NUP62: variants seen among roughly 807,000 people sequenced by gnomAD.
NUP62 encodes the protein nucleoporin 62, also known as nuclear pore glycoprotein p62.
For missense variants in NUP62, 647 were observed against 689.4 expected (o/e 0.94, Z 0.69); for synonymous variants, 305 against 303.4 (o/e 1.01, Z -0.05).
chr19:49,927,408 A>C lies in NUP62; in HGVS notation c.-78+286T>G, dbSNP rs186007745. Among the ~76,000 whole-genome samples, 366 of 152,196 alleles carry C rather than the reference A, an allele frequency of 2.4e-3. 3 individuals are homozygous for C. The highest frequency in any genetic ancestry group is 8.6e-3 in the African/African-American group (356 of 41,522). ...ATGAACTTAAAAAAAAATCGCAAAA[A>C]ATTCGCATGTTTTGGTAAGGTTTAC... On this transcript the variant is annotated intron_variant, in intron 2 of 2. Transcript: ENST00000352066.
Position 49,909,372 on chromosome 19 carries a change from T to A in NUP62, c.436A>T (p.Thr146Ser), listed in dbSNP as rs1333308401. 5.0e-6 allele frequency: 8 copies of A among 1,612,928 alleles called. No individual in the cohort carries two copies. Among genetic ancestry groups the A allele is most frequent in the Non-Finnish European group, 6.8e-6 (8 of 1,179,858 alleles). The stretch of plus-strand genomic sequence containing the variant: ...GTGGTAGCTGGAGCCACAGAGGTGG[T>A]GGAGGGGCCAAACACAAAGCCGGTG... ...APTGFVFGPS[T>S]TSVAPATTSG... The change falls in exon 3 of 3, where the codon ACC becomes TCC. Residue 146 changes from threonine (T) to serine (S), a missense_variant. By Grantham distance (58) the Thr-to-Ser change is moderately conservative. Transcript: ENST00000352066.
At chr19:49,910,317 C>T (rs1313212821) in intron 2 of NUP62, among the ~76,000 whole-genome samples, 1 of 152,004 alleles carries the variant, frequency 6.6e-6, no homozygotes, top group Non-Finnish European at 1.5e-5. Flanking sequence ...CTCTTGCCAC[C>T]CTGAGGGCCT....
chr19:49,908,994 ATGT>A lies in NUP62; in HGVS notation c.811_813del (p.Thr271del), dbSNP rs760743188. On this transcript the variant is annotated inframe_deletion, in exon 3 of 3. Transcript: ENST00000352066. ...GTGGCGGTGGCGGTGGCAGCGGTGGATGTTGTTGTGGAGGTGCCGGAAGCTGCT... is the reference window on the plus strand; with the variant it reads ...GTGGCGGTGGCGGTGGCAGCGGTGGATGTTGTGGAGGTGCCGGAAGCTGCT... 4 of 1,609,856 alleles carry A rather than the reference ATGT, an allele frequency of 2.5e-6. No homozygotes were observed. The highest frequency in any genetic ancestry group is 3.4e-6 in the Non-Finnish European group (4 of 1,178,060).
chr19:49,908,904 T>C lies in NUP62; in HGVS notation c.904A>G (p.Ile302Val), dbSNP rs879274198. 6 of 1,608,270 alleles carry C rather than the reference T, an allele frequency of 3.7e-6. No individual in the cohort carries two copies. Among genetic ancestry groups the C allele is most frequent in the Non-Finnish European group, 5.1e-6 (6 of 1,178,120 alleles). The part of the protein sequence containing the change: ...LNLKPLAPAG[I>V]PSNTAAAVTA... ...ACGGCAGCTGCTGTATTGCTGGGGATCCCGGCTGGCGCCAGTGGTTTTAAA... is the reference window on the plus strand; with the variant it reads ...ACGGCAGCTGCTGTATTGCTGGGGACCCCGGCTGGCGCCAGTGGTTTTAAA... Residue 302 changes from isoleucine (I) to valine (V), a missense_variant, in exon 3 of 3, where the codon ATC (isoleucine) becomes GTC (valine). Ile to Val is a conservative substitution (Grantham distance 29). Coordinates refer to ENST00000352066, the MANE Select transcript of NUP62 (RefSeq NM_016553.5).
intron 2 of NUP62, chr19:49,910,915 T>C (rs761663686): frequency 2.0e-5 from 3 of 152,144 alleles, no homozygotes; most frequent in African/African-American, 7.2e-5. Context: ...TGGTTTCTTT[T>C]TCTTTTGGGA....
At chr19:49,916,192 C>A (rs2122679608) in intron 2 of NUP62, among the ~76,000 whole-genome samples, 2 of 152,268 alleles carry the variant, frequency 1.3e-5, no homozygotes, top group South Asian at 4.1e-4. Context: ...GACATTCTGC[C>A]TGGGACGGGA....
chr19:49,923,336 C>T (rs182273879), intron 2 of NUP62, among the ~76,000 whole-genome samples: 49 of 152,326 alleles, frequency 3.2e-4, no homozygotes, highest in African/African-American at 1.1e-3. Context: ...GTATCACATT[C>T]GCTGGCCTCT....
Position 49,909,896 on chromosome 19 carries a change from GA to G in NUP62, c.-77-13del. 7.0e-7 allele frequency: 1 copy of G among 1,419,950 alleles called. No homozygotes were observed. The highest frequency in any genetic ancestry group is 9.8e-7 in the Non-Finnish European group (1 of 1,017,636). The allele number at this position is 1,419,950 out of a possible 1,614,324, so 88.0% of individuals were successfully genotyped here. A position where few individuals can be genotyped will look rare whatever the true frequency, so the allele number is the denominator to read the frequency against. On this transcript the variant is annotated splice_polypyrimidine_tract_variant and intron_variant, in intron 2 of 2. Transcript: ENST00000352066. ...CCTTGGGAAGATTTCTAAAGCAGAG[GA>G]AGTGACATTGTCAGATGGCAGTTTT...
In NUP62 at chr19:49,913,312, G is replaced by C. The variant is rs1231849699; in HGVS notation, c.-77-3428C>G. ...ATTCCAAAGAGAGAAAATGGCCCTTGACCAGCTCCAGGAGAATCTCTATGT... is the reference window on the plus strand; with the variant it reads ...ATTCCAAAGAGAGAAAATGGCCCTTCACCAGCTCCAGGAGAATCTCTATGT... On this transcript the variant is annotated intron_variant, in intron 2 of 2. Transcript: ENST00000352066. 2.0e-5 allele frequency among the ~76,000 whole-genome samples: 3 copies of C among 152,222 alleles called. No homozygotes were observed. The East Asian group carries it at 5.8e-4, about 29-fold the overall frequency.
chr19:49,910,340 G>A (rs1436922427), intron 2 of NUP62, among the ~76,000 whole-genome samples: 2 of 152,026 alleles, frequency 1.3e-5, no homozygotes, highest in East Asian at 3.9e-4. Context: ...CTGGACCTCA[G>A]AGAGAGAGAT....
Position 49,908,350 on chromosome 19 carries a change from C to T in NUP62, c.1458G>A (p.Gln486=). The part of the protein sequence containing the change: ...KILNAHMDSL[Q]WIDQNSALLQ... ...GCAGGGCCGAGTTCTGGTCGATCCA[C>T]TGCAGTGAGTCCATGTGCGCATTGA... The change falls in exon 3 of 3, where the codon CAG becomes CAA. Residue 486 remains glutamine, a synonymous_variant. Coordinates refer to ENST00000352066, the MANE Select transcript of NUP62 (RefSeq NM_016553.5). The T allele has an allele frequency of 6.2e-7, 1 of 1,614,196 alleles. No individual in the cohort carries two copies. Among genetic ancestry groups the T allele is most frequent in the Non-Finnish European group, 8.5e-7 (1 of 1,180,044 alleles).
In NUP62 at chr19:49,907,837, T is replaced by C. The variant is rs546501513; in HGVS notation, c.*402A>G. ...AGGGGTGAGCCACTGCGCCCTGACT[T>C]GGAGGTTCTCTTACATTTGGTATTT... is the stretch of plus-strand genomic sequence containing the variant. On this transcript the variant is annotated 3_prime_UTR_variant, in exon 3 of 3. Transcript: ENST00000352066. 135 of 333,882 alleles carry C rather than the reference T, an allele frequency of 4.0e-4. No homozygotes were observed. The highest frequency in any genetic ancestry group is 6.8e-4 in the Non-Finnish European group (119 of 175,342). The allele number at this position is 333,882 out of a possible 1,614,324, so 20.7% of individuals were successfully genotyped here.
At chr19:49,923,184 C>T (rs1183871827) in intron 2 of NUP62, among the ~76,000 whole-genome samples, 1 of 152,166 alleles carries the variant, frequency 6.6e-6, no homozygotes, top group Non-Finnish European at 1.5e-5. Context: ...CCTGTGCTGT[C>T]TCCCAGCCCC....
In NUP62 at chr19:49,909,601, T is replaced by G. The variant is rs761944762; in HGVS notation, c.207A>C (p.Thr69=). 6.2e-7 allele frequency: 1 copy of G among 1,613,994 alleles called. No individual in the cohort carries two copies. The highest frequency in any genetic ancestry group is 1.1e-5 in the South Asian group (1 of 91,068). ...TTCCAAAAGTGAAGCCTGTCGTCTG[T>G]GTGGCCGGAGTCTGGGTGGCAAGTG... is the stretch of plus-strand genomic sequence containing the variant. The part of the protein sequence containing the change: ...LFSLATQTPA[T]QTTGFTFGTA... The change falls in exon 3 of 3, where the codon ACA becomes ACC. Residue 69 remains threonine, a synonymous_variant. Coordinates refer to ENST00000352066, the MANE Select transcript of NUP62 (RefSeq NM_016553.5).
At chr19:49,914,451 T>C (rs2075566013) in intron 2 of NUP62, among the ~76,000 whole-genome samples, 1 of 152,108 alleles carries the variant, frequency 6.6e-6, no homozygotes, top group Non-Finnish European at 1.5e-5. Context: ...TGCCTTGAGG[T>C]CACCAAGGAA....
At position 49,908,389 on chromosome 19, in the gene NUP62, C is replaced by T; in HGVS notation, c.1419G>A (p.Gln473=). The part of the protein sequence containing the change: ...APADTSDPLQ[Q]ICKILNAHMD... ...TGTGCGCATTGAGGATCTTGCAGAT[C>T]TGCTGCAGTGGGTCACTGGTGTCGG... The change falls in exon 3 of 3, where the codon CAG becomes CAA. Residue 473 remains glutamine (Q), a synonymous_variant. Coordinates refer to ENST00000352066, the MANE Select transcript of NUP62 (RefSeq NM_016553.5). 1 of 1,614,216 alleles carries T rather than the reference C, an allele frequency of 6.2e-7. No individual in the cohort carries two copies. Among genetic ancestry groups the T allele is most frequent in the Non-Finnish European group, 8.5e-7 (1 of 1,180,052 alleles).
At chr19:49,924,890 T>C (rs933597552) in intron 2 of NUP62, among the ~76,000 whole-genome samples, 3 of 152,162 alleles carry the variant, frequency 2.0e-5, no homozygotes, top group Admixed American at 1.3e-4. Context: ...GCAGAGTCCC[T>C]GCCCAGACAC....
At position 49,907,582 on chromosome 19, in the gene NUP62, G is replaced by A. The variant is rs1413287091; in HGVS notation, c.*657C>T. The stretch of plus-strand genomic sequence containing the variant: ...TTGAGACAGAGTCTCTGTTGCCTAG[G>A]CTGGAGTGCAGTGGTGTGATCTTGG... On this transcript the variant is annotated 3_prime_UTR_variant, in exon 3 of 3. Transcript: ENST00000352066. 7 of 413,934 alleles carry A rather than the reference G, an allele frequency of 1.7e-5. No homozygotes were observed. The highest frequency in any genetic ancestry group is 3.2e-5 in the Non-Finnish European group (7 of 215,978). The allele number at this position is 413,934 out of a possible 1,614,324, so 25.6% of individuals were successfully genotyped here. A position where few individuals can be genotyped will look rare whatever the true frequency, so the allele number is the denominator to read the frequency against.
At chr19:49,922,281 G>A (rs1235816770) in intron 2 of NUP62, among the ~76,000 whole-genome samples, 7 of 152,160 alleles carry the variant, frequency 4.6e-5, no homozygotes, top group South Asian at 4.1e-4. Flanking sequence ...TCTTCCTGCC[G>A]CAATGAGCAA....
Sources: gnomAD v4.1 joint callset for allele counts (sites outside exome capture counted in the v4.1 genomes callset) on GRCh38, gnomAD v4.1.1 for gene constraint, MANE v1.5 for transcripts, NCBI Gene and HGNC (gene_info 2026-07-23, HGNC 2026-07-21) for gene names.